The following LRRC7 variants were observed in gnomAD, a reference collection of about 807,000 sequenced individuals.
LRRC7 encodes leucine rich repeat containing 7, also known as leucine-rich repeat-containing protein 7.
A neutral mutation model predicts 175.7 loss-of-function variants in LRRC7; 23 were observed. The ratio of observed to expected loss-of-function variants is 0.13; its 90% confidence interval spans 0.09 to 0.19. The LOEUF is 0.19. Ranked by LOEUF, LRRC7 falls within the 10% of genes least tolerant of loss-of-function variation. The pLI is 1.00. For missense variants in LRRC7, 1,354 were observed against 1,904.7 expected, an observed-to-expected ratio of 0.71 and a Z score of 5.38; for synonymous variants, 685 against 680.9, an observed-to-expected ratio of 1.01 and a Z score of -0.09.
Position 69,888,444 on chromosome 1 carries a change from C to T in LRRC7, c.648-43063C>T, listed in dbSNP as rs138346125. 3.3e-3 allele frequency among the ~76,000 whole-genome samples: 496 copies of T among 152,310 alleles called. 1 individual carries two copies. The highest frequency in any genetic ancestry group is 0.011 in the African/African-American group (447 of 41,568). On this transcript the variant is annotated intron_variant, in intron 7 of 26. Coordinates refer to ENST00000651989, the MANE Select transcript of LRRC7 (RefSeq NM_001370785.2). ...GGAACTCCCCGACCCTTGCACTTCC[C>T]AAGTGAGGCAATGCCTCGCCCTGCT...
At chr1:69,942,853 C>T (rs1413256861) in intron 8 of LRRC7, among the ~76,000 whole-genome samples, 1 of 152,118 alleles carries the variant, frequency 6.6e-6, no homozygotes, top group Non-Finnish European at 1.5e-5. Flanking sequence ...TTTGGGGTGT[C>T]ATTATTCAGT....
intron 1 of LRRC7, among the ~76,000 whole-genome samples, chr1:69,613,647 T>A (rs1447551440): frequency 6.6e-6 from 1 of 152,010 alleles, no homozygotes; most frequent in Admixed American, 6.6e-5. Flanking sequence ...TCTCAGCCCA[T>A]AGCACAATGA....
At chr1:69,839,277 A>G (rs1681464138) in intron 7 of LRRC7, among the ~76,000 whole-genome samples, 1 of 152,122 alleles carries the variant, frequency 6.6e-6, no homozygotes, top group South Asian at 2.1e-4. Flanking sequence ...TATGAAAATA[A>G]CTTTCAATAA....
At chr1:69,682,334 T>C (rs1660590258) in intron 2 of LRRC7, among the ~76,000 whole-genome samples, 1 of 152,120 alleles carries the variant, frequency 6.6e-6, no homozygotes, top group Non-Finnish European at 1.5e-5. Context: ...CAGAAGAAAG[T>C]GATAAGTCCA....
At chr1:70,071,403 G>T (rs1203444134) in intron 23 of LRRC7, among the ~76,000 whole-genome samples, 3 of 151,858 alleles carry the variant, frequency 2.0e-5, no homozygotes, top group African/African-American at 7.3e-5. Flanking sequence ...CTTAATGGAA[G>T]AAATAGGGCA....
chr1:69,828,765 T>C (rs1351241281), intron 5 of LRRC7, among the ~76,000 whole-genome samples: 1 of 152,060 alleles, frequency 6.6e-6, no homozygotes, highest in Non-Finnish European at 1.5e-5. Flanking sequence ...TAAATGAAGA[T>C]GTTTTGATGT....
At chr1:69,854,292 GT>G (rs1425923722) in intron 7 of LRRC7, among the ~76,000 whole-genome samples, 3 of 152,228 alleles carry the variant, frequency 2.0e-5, no homozygotes, top group African/African-American at 7.2e-5. Flanking sequence ...CAGGTCAGGA[GT>G]TTGAGACTAG....
chr1:69,966,680 G>A (rs1284541958), intron 8 of LRRC7, among the ~76,000 whole-genome samples: 1 of 152,236 alleles, frequency 6.6e-6, no homozygotes, highest in Non-Finnish European at 1.5e-5. Context: ...ATGGGAAAGG[G>A]AGATTGTCCG....
chr1:69,693,072 C>T (rs1156393001), intron 2 of LRRC7, among the ~76,000 whole-genome samples: 6 of 152,142 alleles, frequency 3.9e-5, no homozygotes, highest in Non-Finnish European at 5.9e-5. Flanking sequence ...CCGTGTCTCG[C>T]ATGCCTTCAA....
intron 5 of LRRC7, among the ~76,000 whole-genome samples, chr1:69,829,250 A>G (rs567421679): frequency 6.6e-6 from 1 of 152,028 alleles, no homozygotes; most frequent in South Asian, 2.1e-4. Flanking sequence ...ACCTGTGATT[A>G]TAAGCAAAGT....
chr1:69,834,938 G>C, intron 6 of LRRC7, 69 bp downstream of exon 6: 1 of 1,163,968 alleles, frequency 8.6e-7, no homozygotes, highest in South Asian at 1.3e-5. Context: ...AGTGCCAGTT[G>C]ATGAGACTTC....
chr1:69,691,496 A>G (rs1661855517), intron 2 of LRRC7, among the ~76,000 whole-genome samples: 1 of 152,082 alleles, frequency 6.6e-6, no homozygotes, highest in African/African-American at 2.4e-5. Context: ...AAAAGGAATG[A>G]ATTATAAAGG....
At chr1:69,641,646 A>G (rs1271206615) in intron 1 of LRRC7, among the ~76,000 whole-genome samples, 1 of 151,718 alleles carries the variant, frequency 6.6e-6, no homozygotes, top group African/African-American at 2.4e-5. Context: ...AACCAAAATA[A>G]TCAACTTGCT....
chr1:70,011,754 A>C (rs748634510), intron 11 of LRRC7, 43 bp from the exon 12 acceptor site: 4 of 1,398,758 alleles, frequency 2.9e-6, no homozygotes, highest in Non-Finnish European at 4.0e-6. Flanking sequence ...ACATTTTGCT[A>C]TCTAACTTTT....
chr1:69,874,559 G>A (rs1378890216), intron 7 of LRRC7: 1 of 152,080 alleles, frequency 6.6e-6, no homozygotes, highest in Non-Finnish European at 1.5e-5. Context: ...GGTGTGAGCA[G>A]GACACATTGC....
chr1:69,786,750 A>T (rs1480810851), intron 3 of LRRC7, among the ~76,000 whole-genome samples: 1 of 152,106 alleles, frequency 6.6e-6, no homozygotes, highest in Non-Finnish European at 1.5e-5. Context: ...ATTACCTCCC[A>T]CTGGGTCCCT....
intron 25 of LRRC7, among the ~76,000 whole-genome samples, chr1:70,090,904 G>C (rs1663983061): frequency 6.6e-6 from 1 of 152,094 alleles, no homozygotes; most frequent in Admixed American, 6.6e-5. Context: ...CTTCCTCCCA[G>C]TGATCTTGTT....
At chr1:69,994,677 A>G (rs1417951144) in intron 11 of LRRC7, 44 bp downstream of exon 11, 1 of 1,309,306 alleles carries the variant, frequency 7.6e-7, no homozygotes, top group African/African-American at 1.5e-5. Flanking sequence ...CAAAAGCCAG[A>G]AACTAAAGGA....
intron 2 of LRRC7, among the ~76,000 whole-genome samples, chr1:69,715,526 C>T (rs77118333): frequency 2.1e-3 from 327 of 152,100 alleles, no homozygotes; most frequent in African/African-American, 7.6e-3. Flanking sequence ...ATTACAAATG[C>T]ATTTGGGGAT....
Sources: allele counts gnomAD v4.1 joint callset (sites outside exome capture counted in the v4.1 genomes callset), GRCh38; gene constraint gnomAD v4.1.1; transcripts MANE v1.5; gene names NCBI Gene and HGNC (gene_info 2026-07-23, HGNC 2026-07-21).